STOX2: variants seen among roughly 807,000 people sequenced by gnomAD.
STOX2 encodes storkhead-box protein 2.
In STOX2, 28 loss-of-function variants were observed where a neutral mutation model predicts 60.9. The ratio of observed to expected loss-of-function variants is 0.46; its 90% CI spans 0.34 to 0.63. The LOEUF is 0.63. STOX2 is among the 30% of genes least tolerant of loss of function. The pLI, the probability that STOX2 is intolerant of heterozygous loss-of-function variation, is 0.01. For missense variants in STOX2, 1,024 were observed against 1,187.7 expected, an observed-to-expected ratio of 0.86 and a Z score of 2.03; for synonymous variants, 472 against 463.9, an observed-to-expected ratio of 1.02 and a Z score of -0.22.
At chr4:183,816,091 C>T (rs563085865) in intron 1 of STOX2, among the ~76,000 whole-genome samples, 84 of 152,074 alleles carry the variant, frequency 5.5e-4, no homozygotes, top group Non-Finnish European at 4.4e-4. Flanking sequence ...CAAATCGATT[C>T]GTAAGGAATA....
intron 1 of STOX2, among the ~76,000 whole-genome samples, chr4:183,854,291 A>G (rs1206233130): frequency 6.6e-6 from 1 of 152,242 alleles, no homozygotes; most frequent in Non-Finnish European, 1.5e-5. Flanking sequence ...TCCATTAAAT[A>G]TCAGTAGAAG....
At chr4:183,913,601 T>A (rs996092151) in intron 1 of STOX2, among the ~76,000 whole-genome samples, 1 of 152,086 alleles carries the variant, frequency 6.6e-6, no homozygotes, top group Admixed American at 6.5e-5. Flanking sequence ...TGAAACCCCG[T>A]CTCTACTAAG....
intron 1 of STOX2, among the ~76,000 whole-genome samples, chr4:183,975,116 AAGC>A (rs1327370188): frequency 6.6e-6 from 1 of 152,178 alleles, no homozygotes; most frequent in African/African-American, 2.4e-5. Context: ...GTCTCAGAGA[AAGC>A]AGAAAATATT....
At chr4:183,888,022 G>GCCT (rs1741122329) in intron 1 of STOX2, among the ~76,000 whole-genome samples, 1 of 152,140 alleles carries the variant, frequency 6.6e-6, no homozygotes, top group African/African-American at 2.4e-5. Flanking sequence ...CCAAAGTGTT[G>GCCT]GGATTACAGG....
chr4:184,001,190 A>G lies in STOX2; in HGVS notation c.167-135A>G. 1.3e-6 allele frequency: 1 copy of G among 760,876 alleles called. No individual in the cohort carries two copies. Among genetic ancestry groups the G allele is most frequent in the Non-Finnish European group, 2.1e-6 (1 of 475,940 alleles). 47.1% of individuals were successfully genotyped at this position (760,876 alleles called of 1,614,324 possible). On this transcript the variant is annotated intron_variant, in intron 1 of 3. Transcript: ENST00000308497. The surrounding 1 kb of genome is among the most constrained non-coding windows in gnomAD (Gnocchi z 4.2). ...GCTGTGGCTTCTGTGTTCAGAGTGG[A>G]ATTGGCAAGCAGCTGCTATGTTCGG...
chr4:183,829,283 C>T (rs1739512450), intron 1 of STOX2, among the ~76,000 whole-genome samples: 1 of 152,194 alleles, frequency 6.6e-6, no homozygotes. Flanking sequence ...TAAAAACATT[C>T]ATCTCTACAT....
At chr4:183,815,274 C>T (rs906764952) in intron 1 of STOX2, among the ~76,000 whole-genome samples, 1 of 151,980 alleles carries the variant, frequency 6.6e-6, no homozygotes, top group Admixed American at 6.6e-5. Flanking sequence ...AGGTGTGGAC[C>T]ACTGTGGGCC....
rs911452383 is a variant in STOX2, at chr4:184,019,010, A to G, written c.*1726A>G. On this transcript the variant is annotated 3_prime_UTR_variant, in exon 4 of 4. Transcript: ENST00000308497. Reference sequence around the variant, plus strand: ...ATTTGTGAGACGCATCTGTTTTTGTATGAGGTTTAATCACTAGCAATCTGT... The same window carrying G: ...ATTTGTGAGACGCATCTGTTTTTGTGTGAGGTTTAATCACTAGCAATCTGT... 5 of 152,184 alleles carry G rather than the reference A, an allele frequency of 3.3e-5. No homozygotes were observed. The highest frequency in any genetic ancestry group is 1.2e-4 in the African/African-American group (5 of 41,452). 9.4% of individuals were successfully genotyped at this position (152,184 alleles called of 1,614,324 possible). A position where few individuals can be genotyped will look rare whatever the true frequency, so the allele number is the denominator to read the frequency against.
upstream of STOX2, among the ~76,000 whole-genome samples, chr4:183,902,416 C>T (rs953754131): frequency 1.9e-4 from 29 of 152,050 alleles, 1 homozygote; most frequent in African/African-American, 5.1e-4. Flanking sequence ...TTTAAAAGCC[C>T]GATTAAATAA....
intron 1 of STOX2, among the ~76,000 whole-genome samples, chr4:183,941,847 T>A (rs759981237): frequency 6.6e-6 from 1 of 152,232 alleles, no homozygotes; most frequent in Non-Finnish European, 1.5e-5. Flanking sequence ...ACTTTGGTTA[T>A]AGAGAATCTG....
chr4:183,895,805 A>G (rs1241298651), intron 1 of STOX2, among the ~76,000 whole-genome samples: 1 of 152,242 alleles, frequency 6.6e-6, no homozygotes, highest in Non-Finnish European at 1.5e-5. Context: ...GGAAGCAGAC[A>G]GACATTTTTG....
intron 1 of STOX2, among the ~76,000 whole-genome samples, chr4:183,991,935 G>A (rs1733124230): frequency 6.6e-6 from 1 of 152,078 alleles, no homozygotes; most frequent in South Asian, 2.1e-4. Flanking sequence ...AGCAGAACTG[G>A]GCTCTGAACC....
At chr4:184,007,290 G>A (rs547884272) in intron 2 of STOX2, among the ~76,000 whole-genome samples, 9 of 152,240 alleles carry the variant, frequency 5.9e-5, no homozygotes, top group African/African-American at 1.9e-4. Flanking sequence ...AGAATCCCAG[G>A]CCATTTCTAA....
At chr4:183,981,099 C>T (rs1235267194) in intron 1 of STOX2, among the ~76,000 whole-genome samples, 1 of 152,176 alleles carries the variant, frequency 6.6e-6, no homozygotes, top group Non-Finnish European at 1.5e-5. Flanking sequence ...GTTGTTGTTT[C>T]CCAAATTGGG....
Position 183,820,781 on chromosome 4 carries a change from C to G in STOX2, c.364+22726C>G, listed in dbSNP as rs146094377. ...ATGGTTTTTGAGACATTCAAGGTAA[C>G]TCAGAAACCAGGAGATTAAAAAAAG... is the stretch of plus-strand genomic sequence containing the variant. On this transcript the variant is annotated intron_variant, in intron 1 of 2. Coordinates refer to the STOX2 transcript ENST00000513034. Among the ~76,000 whole-genome samples the G allele has an allele frequency of 4.0e-3, 602 of 152,106 alleles. 2 individuals carry two copies. The highest frequency in any genetic ancestry group is 0.014 in the African/African-American group (583 of 41,476).
At chr4:183,982,789 C>T (rs1291945217) in intron 1 of STOX2, among the ~76,000 whole-genome samples, 2 of 152,186 alleles carry the variant, frequency 1.3e-5, no homozygotes, top group Non-Finnish European at 2.9e-5. Context: ...TATCTCACGT[C>T]TCTCTGCTTC....
At chr4:183,940,691 G>A (rs926626959) in intron 1 of STOX2, among the ~76,000 whole-genome samples, 1 of 152,178 alleles carries the variant, frequency 6.6e-6, no homozygotes, top group Non-Finnish European at 1.5e-5. Context: ...TAATTTGGTT[G>A]TATAAAATTT....
chr4:183,871,138 T>TA (rs1166505930), intron 1 of STOX2, among the ~76,000 whole-genome samples: 1 of 152,226 alleles, frequency 6.6e-6, no homozygotes, highest in African/African-American at 2.4e-5. Context: ...AACAGGGAGA[T>TA]ACCATCCTTG....
chr4:183,860,191 T>C (rs1228461589), intron 1 of STOX2, among the ~76,000 whole-genome samples: 1 of 152,086 alleles, frequency 6.6e-6, no homozygotes, highest in South Asian at 2.1e-4. Flanking sequence ...AGATGAGGAA[T>C]GATTTAAGCT....
Sources: gnomAD v4.1 joint callset for allele counts (sites outside exome capture counted in the v4.1 genomes callset) on GRCh38, gnomAD v4.1.1 for gene constraint, Gnocchi (gnomAD v3.1) non-coding constraint, MANE v1.5 for transcripts, NCBI Gene and HGNC (gene_info 2026-07-23, HGNC 2026-07-21) for gene names.